The following TPO variants were observed in gnomAD, a reference collection of about 807,000 sequenced individuals.
The protein encoded by TPO is thyroid microsomal antigen.
A neutral mutation model predicts 96.9 loss-of-function variants in TPO; 78 were observed. The ratio of observed to expected loss-of-function variants is 0.81; its 90% CI spans 0.67 to 0.97. TPO has a LOEUF of 0.97. Among genes scored for constraint, TPO ranks in the 50% least tolerant of loss-of-function variants. TPO has a pLI of 0.00. For synonymous variants in TPO, 547 were observed against 538.0 expected, an observed-to-expected ratio of 1.02 and a Z score of -0.23; for missense variants, 1,252 against 1,274.8, an observed-to-expected ratio of 0.98 and a Z score of 0.27.
intron 5 of TPO, among the ~76,000 whole-genome samples, chr2:1,450,780 A>T (rs1165201801): frequency 1.3e-5 from 2 of 152,206 alleles, no homozygotes; most frequent in Non-Finnish European, 2.9e-5. Flanking sequence ...AGTTAAATTA[A>T]CATTATTTTT....
chr2:1,510,627 C>T (rs1280666099), intron 14 of TPO, among the ~76,000 whole-genome samples: 2 of 152,164 alleles, frequency 1.3e-5, no homozygotes, highest in Non-Finnish European at 2.9e-5. Context: ...CGGAGAGCAC[C>T]CAAAGATGTG....
At chr2:1,494,334 G>A (rs1020324440) in intron 11 of TPO, among the ~76,000 whole-genome samples, 8 of 152,216 alleles carry the variant, frequency 5.3e-5, no homozygotes, top group African/African-American at 1.7e-4. Flanking sequence ...TGACACAATC[G>A]TGACAGCCCG....
At chr2:1,383,892 G>C (rs542277817) in intron 1 of TPO, among the ~76,000 whole-genome samples, 2 of 152,230 alleles carry the variant, frequency 1.3e-5, no homozygotes, top group South Asian at 4.1e-4. Context: ...ATTAACTTTT[G>C]TATAATGTGT....
chr2:1,445,913 G>C (rs1476750220), intron 5 of TPO, among the ~76,000 whole-genome samples: 1 of 152,148 alleles, frequency 6.6e-6, no homozygotes, highest in African/African-American at 2.4e-5. Context: ...GCTCCTTCCT[G>C]TTTGTATGAT....
At chr2:1,520,533 T>C (rs1239706828) in intron 15 of TPO, among the ~76,000 whole-genome samples, 1 of 152,242 alleles carries the variant, frequency 6.6e-6, no homozygotes, top group Non-Finnish European at 1.5e-5. Context: ...CCCACCCTGC[T>C]GTCTGGGGTC....
At chr2:1,497,317 T>C (rs28912973) in intron 13 of TPO, among the ~76,000 whole-genome samples, 7,018 of 152,240 alleles carry the variant, frequency 0.046, 565 homozygotes, top group African/African-American at 0.16. Context: ...CGTGGGCCAC[T>C]TCCACCTGCT....
chr2:1,405,737 T>G (rs1662241262), intron 1 of TPO, among the ~76,000 whole-genome samples: 1 of 151,880 alleles, frequency 6.6e-6, no homozygotes, highest in African/African-American at 2.4e-5. Context: ...AACTATAACT[T>G]TTACAAAGTT....
chr2:1,462,238 C>T (rs1435407415), intron 7 of TPO, among the ~76,000 whole-genome samples: 1 of 152,042 alleles, frequency 6.6e-6, no homozygotes, highest in East Asian at 1.9e-4. Context: ...GGGGCTGGAC[C>T]ATCTCAGGCG....
chr2:1,403,689 G>A (rs541794533), intron 1 of TPO, among the ~76,000 whole-genome samples: 6 of 152,326 alleles, frequency 3.9e-5, no homozygotes, highest in Non-Finnish European at 7.3e-5. Flanking sequence ...TTAGAAGAAC[G>A]TGGTCCCGTG....
intron 14 of TPO, 41 bp downstream of exon 14, chr2:1,504,120 G>A (rs201171190): frequency 4.1e-4 from 657 of 1,612,302 alleles, no homozygotes; most frequent in Middle Eastern, 1.2e-3. Flanking sequence ...CCATTTGCGA[G>A]TTTTTGTAAA....
intron 1 of TPO, among the ~76,000 whole-genome samples, chr2:1,401,798 A>G (rs1175865706): frequency 6.6e-6 from 1 of 152,118 alleles, no homozygotes; most frequent in Non-Finnish European, 1.5e-5. Context: ...CTGCAAAGCC[A>G]CTCTGCAGCA....
intron 7 of TPO, 127 bp downstream of exon 7, chr2:1,456,409 G>A: frequency 9.8e-7 from 1 of 1,016,522 alleles, no homozygotes; most frequent in South Asian, 1.5e-5. Context: ...TAGCAGTTGT[G>A]AATATCTGGT....
intron 15 of TPO, among the ~76,000 whole-genome samples, chr2:1,535,145 A>C (rs1454678283): frequency 2.2e-3 from 27 of 12,248 alleles, no homozygotes; most frequent in Admixed American, 2.6e-3. Context: ...CAACCTCCCC[A>C]AATCCCCCCC....
At chr2:1,475,504 A>G (rs79756331) in intron 7 of TPO, among the ~76,000 whole-genome samples, 8,961 of 151,706 alleles carry the variant, frequency 0.059, 339 homozygotes, top group East Asian at 0.16. Flanking sequence ...GCTCACTGCA[A>G]GCTCCGCCTC....
intron 7 of TPO, among the ~76,000 whole-genome samples, chr2:1,464,359 G>T (rs148478870): frequency 6.6e-6 from 1 of 152,154 alleles, no homozygotes; most frequent in Non-Finnish European, 1.5e-5. Context: ...CTATAAACAC[G>T]GATGTGCCAA....
chr2:1,429,127 C>A (rs1436045016), intron 3 of TPO, among the ~76,000 whole-genome samples: 1 of 152,134 alleles, frequency 6.6e-6, no homozygotes, highest in African/African-American at 2.4e-5. Context: ...GTGATTTGCC[C>A]CATCCCGTTG....
upstream of TPO, among the ~76,000 whole-genome samples, chr2:1,409,696 C>T (rs185056213): frequency 5.3e-5 from 8 of 152,234 alleles, no homozygotes; most frequent in East Asian, 3.9e-4. Flanking sequence ...GTGCAGCCCA[C>T]GGCCGTCGGG....
At chr2:1,390,881 G>GT (rs1015322123) in intron 1 of TPO, among the ~76,000 whole-genome samples, 1 of 152,044 alleles carries the variant, frequency 6.6e-6, no homozygotes, top group African/African-American at 2.4e-5. Context: ...TGATGGGGTT[G>GT]TTTTTTTCTT....
At chr2:1,460,474 C>T (rs550748215) in intron 7 of TPO, among the ~76,000 whole-genome samples, 68 of 152,044 alleles carry the variant, frequency 4.5e-4, no homozygotes, top group African/African-American at 1.6e-3. Context: ...TCCAGGCTTG[C>T]CTTGTAACTT....
Sources: allele counts gnomAD v4.1 joint callset (sites outside exome capture counted in the v4.1 genomes callset), GRCh38; gene constraint gnomAD v4.1.1; transcripts MANE v1.5; gene names NCBI Gene and HGNC (gene_info 2026-07-23, HGNC 2026-07-21).